XKR4: variants seen among roughly 807,000 people sequenced by gnomAD.
The protein encoded by XKR4 is XK related 4.
Under a neutral mutation model 53.9 loss-of-function variants are expected in XKR4, and 12 were observed. That is an observed-to-expected ratio of 0.22 (90% confidence interval 0.14 to 0.36). The LOEUF is 0.36. Ranked by LOEUF, XKR4 falls within the 10% of genes least tolerant of loss-of-function variation. The pLI, the probability that XKR4 is intolerant of heterozygous loss-of-function variation, is 1.00. For synonymous variants in XKR4, 354 were observed against 362.4 expected (o/e 0.98, Z 0.26); for missense variants, 799 against 859.5 (o/e 0.93, Z 0.88).
intron 1 of XKR4, among the ~76,000 whole-genome samples, chr8:55,337,478 G>C (rs1436211141): frequency 1.3e-5 from 2 of 152,166 alleles, no homozygotes; most frequent in African/African-American, 4.8e-5. Context: ...GTGTAATGAA[G>C]GCTGCTCAGA....
chr8:55,250,838 A>T (rs1443055624), intron 1 of XKR4, among the ~76,000 whole-genome samples: 1 of 152,232 alleles, frequency 6.6e-6, no homozygotes, highest in Non-Finnish European at 1.5e-5. Flanking sequence ...AATTCAAATA[A>T]TCAATGATTC....
chr8:55,341,219 A>C (rs1803540894), intron 1 of XKR4, among the ~76,000 whole-genome samples: 1 of 152,092 alleles, frequency 6.6e-6, no homozygotes. Flanking sequence ...TAAGCAGGTC[A>C]CCTTTGTGGG....
At chr8:55,501,942 A>T (rs1806445248) in intron 2 of XKR4, among the ~76,000 whole-genome samples, 3 of 152,206 alleles carry the variant, frequency 2.0e-5, no homozygotes, top group Admixed American at 6.5e-5. Context: ...TAGTATTTGC[A>T]TATAACCTAT....
At position 55,154,636 on chromosome 8, in the gene XKR4, G is replaced by A. The variant is rs571659726; in HGVS notation, c.806+51342G>A. Among the ~76,000 whole-genome samples the A allele has an allele frequency of 3.3e-5, 5 of 152,094 alleles. No individual in the cohort carries two copies. The South Asian group carries it at 1.0e-3, about 32-fold the overall frequency. On this transcript the variant is annotated intron_variant, in intron 1 of 2. Coordinates refer to ENST00000327381, the MANE Select transcript of XKR4 (RefSeq NM_052898.2). ...TGACAACATTCTTTGTATATTCTTG[G>A]TACTGGGCAAAATCCTCTGAAAAGC...
intron 1 of XKR4, among the ~76,000 whole-genome samples, chr8:55,109,947 TTAAG>T (rs1249421560): frequency 1.3e-5 from 2 of 152,188 alleles, no homozygotes; most frequent in African/African-American, 2.4e-5. Context: ...ACCTATGAAT[TTAAG>T]TAACACAATC....
chr8:55,453,672 G>A, intron 2 of XKR4: 1 of 411,798 alleles, frequency 2.4e-6, no homozygotes. Flanking sequence ...CAGGGGAAGG[G>A]CCGGGGCGCC....
intron 1 of XKR4, among the ~76,000 whole-genome samples, chr8:55,311,208 A>G (rs1819383244): frequency 6.6e-6 from 1 of 152,202 alleles, no homozygotes; most frequent in East Asian, 1.9e-4. Context: ...CAATGACAGC[A>G]TATGCAAGCT....
chr8:55,451,597 A>G (rs1229227342), intron 2 of XKR4: 2 of 1,381,826 alleles, frequency 1.4e-6, no homozygotes, highest in Non-Finnish European at 2.0e-6. Flanking sequence ...GCGCCAGCAG[A>G]CAACGGTGAA....
intron 1 of XKR4, among the ~76,000 whole-genome samples, chr8:55,213,912 A>G (rs1817766500): frequency 8.9e-6 from 1 of 112,590 alleles, no homozygotes; most frequent in Admixed American, 1.4e-4. Context: ...CCCAGGCTGG[A>G]GTGCAGTGGT....
chr8:55,522,372 G>A (rs1476607739), intron 2 of XKR4, among the ~76,000 whole-genome samples: 1 of 152,148 alleles, frequency 6.6e-6, no homozygotes, highest in Non-Finnish European at 1.5e-5. Flanking sequence ...TCTTTTGTGG[G>A]AAAGGCAATA....
intron 2 of XKR4, among the ~76,000 whole-genome samples, chr8:55,371,126 T>C (rs951131077): frequency 6.6e-6 from 1 of 150,806 alleles, no homozygotes; most frequent in Non-Finnish European, 1.5e-5. Context: ...CTATTGATGT[T>C]TGAAGGAGGA....
At chr8:55,465,435 G>A (rs1441653462) in intron 2 of XKR4, among the ~76,000 whole-genome samples, 1 of 152,046 alleles carries the variant, frequency 6.6e-6, no homozygotes, top group Non-Finnish European at 1.5e-5. Flanking sequence ...CTAGCCATAT[G>A]TAGAAAGCTG....
chr8:55,455,488 C>G (rs924852324), intron 2 of XKR4, among the ~76,000 whole-genome samples: 3 of 152,150 alleles, frequency 2.0e-5, no homozygotes, highest in Admixed American at 2.0e-4. Flanking sequence ...CTAGAGGGGG[C>G]TGGCTCAATT....
chr8:55,502,869 G>A (rs1806465345), intron 2 of XKR4, among the ~76,000 whole-genome samples: 3 of 151,956 alleles, frequency 2.0e-5, no homozygotes, highest in African/African-American at 7.3e-5. Context: ...TTAGGCTTTT[G>A]ATCCATTTTA....
chr8:55,356,831 T>A (rs1803802406), intron 1 of XKR4, among the ~76,000 whole-genome samples: 1 of 152,160 alleles, frequency 6.6e-6, no homozygotes, highest in African/African-American at 2.4e-5. Flanking sequence ...CTACCAACCC[T>A]GAGACAGCAA....
intron 1 of XKR4, among the ~76,000 whole-genome samples, chr8:55,150,337 C>A (rs781150413): frequency 2.0e-5 from 3 of 152,098 alleles, no homozygotes; most frequent in Non-Finnish European, 4.4e-5. Context: ...TTATTGCAGG[C>A]TGATGCTGGT....
chr8:55,423,399 A>C (rs1454262380), intron 2 of XKR4, among the ~76,000 whole-genome samples: 1 of 152,212 alleles, frequency 6.6e-6, no homozygotes, highest in African/African-American at 2.4e-5. Context: ...CCGCCAGTAC[A>C]TAATTTTTAA....
chr8:55,506,601 T>C (rs1806529034), intron 2 of XKR4, among the ~76,000 whole-genome samples: 1 of 152,216 alleles, frequency 6.6e-6, no homozygotes, highest in African/African-American at 2.4e-5. Context: ...TTAATGTGCA[T>C]ACCAGTCCAT....
chr8:55,540,895 G>A lies in XKR4; in HGVS notation c.*16668G>A, dbSNP rs932566477. ...TGACATGACTAGGGATACAAACTTC[G>A]TCTGTACTAACATCCTACCAAGCAG... On this transcript the variant is annotated 3_prime_UTR_variant, in exon 3 of 3. Transcript: ENST00000327381. 14 of 152,092 alleles carry A rather than the reference G, an allele frequency of 9.2e-5. No homozygotes were observed. The highest frequency in any genetic ancestry group is 1.9e-4 in the East Asian group (1 of 5,182). 9.4% of individuals were successfully genotyped at this position (152,092 alleles called of 1,614,324 possible).
Sources: allele counts gnomAD v4.1 joint callset (sites outside exome capture counted in the v4.1 genomes callset), GRCh38; gene constraint gnomAD v4.1.1; transcripts MANE v1.5; gene names NCBI Gene and HGNC (gene_info 2026-07-23, HGNC 2026-07-21).